The following BRINP3 variants were observed in gnomAD, a reference collection of about 807,000 sequenced individuals.
BRINP3 encodes the protein BMP/retinoic acid inducible neural specific 3.
Under a neutral mutation model 71.0 loss-of-function variants are expected in BRINP3, and 19 were observed. That is an observed-to-expected ratio of 0.27 (90% CI 0.19 to 0.39). BRINP3 has a LOEUF of 0.39. Ranked by LOEUF, BRINP3 falls within the 10% of genes least tolerant of loss-of-function variation. BRINP3 has a pLI of 1.00. For synonymous variants in BRINP3, 380 were observed against 337.7 expected (o/e 1.13, Z -1.37); for missense variants, 959 against 940.8 (o/e 1.02, Z -0.25).
chr1:190,282,499 A>G (rs1663116649), intron 2 of BRINP3, among the ~76,000 whole-genome samples: 1 of 152,162 alleles, frequency 6.6e-6, no homozygotes, highest in East Asian at 1.9e-4. Flanking sequence ...AAGTGGTCCA[A>G]TAAAATTCTC....
chr1:190,156,823 A>C (rs1041681891), intron 7 of BRINP3, among the ~76,000 whole-genome samples: 1 of 152,096 alleles, frequency 6.6e-6, no homozygotes, highest in South Asian at 2.1e-4. Flanking sequence ...ATTCTAATGC[A>C]AATATTACAC....
intron 2 of BRINP3, among the ~76,000 whole-genome samples, chr1:190,437,937 T>C (rs1045163327): frequency 1.2e-4 from 18 of 151,620 alleles, no homozygotes; most frequent in African/African-American, 2.4e-5. Context: ...ATAATTTATA[T>C]AGTATAATTA....
chr1:190,162,178 GT>G (rs1319163574), intron 6 of BRINP3, among the ~76,000 whole-genome samples: 2 of 150,860 alleles, frequency 1.3e-5, no homozygotes, highest in African/African-American at 4.9e-5. Context: ...AGTAAGCAGA[GT>G]TTAAATAATA....
At chr1:190,339,092 A>T (rs1270045598) in intron 2 of BRINP3, among the ~76,000 whole-genome samples, 1 of 152,000 alleles carries the variant, frequency 6.6e-6, no homozygotes, top group Admixed American at 6.6e-5. Flanking sequence ...GAAACTAGGC[A>T]GCACACACAT....
At chr1:190,207,287 GT>G (rs1186862384) in intron 6 of BRINP3, among the ~76,000 whole-genome samples, 1 of 152,058 alleles carries the variant, frequency 6.6e-6, no homozygotes, top group African/African-American at 2.4e-5. Context: ...GTTATTCTCT[GT>G]GTTAACTTGC....
chr1:190,350,003 G>C (rs996233150), intron 2 of BRINP3, among the ~76,000 whole-genome samples: 2 of 151,966 alleles, frequency 1.3e-5, no homozygotes, highest in Non-Finnish European at 2.9e-5. Context: ...TAGTCTTTTA[G>C]GAATAAAAGG....
chr1:190,463,669 A>C (rs1676545827), intron 1 of BRINP3, among the ~76,000 whole-genome samples: 1 of 151,880 alleles, frequency 6.6e-6, no homozygotes, highest in African/African-American at 2.4e-5. Flanking sequence ...AGATTAGTAA[A>C]AGAATGAGAG....
intron 7 of BRINP3, among the ~76,000 whole-genome samples, chr1:190,141,585 A>G (rs148072228): frequency 0.015 from 1,546 of 101,166 alleles, 22 homozygotes; most frequent in African/African-American, 0.054. Context: ...TTTTTGAGAC[A>G]GAGTCTTGCT....
intron 2 of BRINP3, among the ~76,000 whole-genome samples, chr1:190,436,915 T>C (rs147197050): frequency 6.6e-6 from 1 of 151,928 alleles, no homozygotes; most frequent in East Asian, 1.9e-4. Flanking sequence ...AGATACTATA[T>C]TTACTCTCAA....
chr1:190,262,091 T>C (rs1307003126), intron 4 of BRINP3, among the ~76,000 whole-genome samples: 4 of 152,148 alleles, frequency 2.6e-5, no homozygotes, highest in Non-Finnish European at 4.4e-5. Context: ...ATACTCTCCA[T>C]ACAAAATTGC....
intron 7 of BRINP3, among the ~76,000 whole-genome samples, chr1:190,116,066 T>C (rs1315456382): frequency 6.6e-6 from 1 of 152,098 alleles, no homozygotes; most frequent in Non-Finnish European, 1.5e-5. Context: ...CTGTGTAGTG[T>C]AAAATCAGAG....
intron 6 of BRINP3, among the ~76,000 whole-genome samples, chr1:190,220,764 A>G (rs896240150): frequency 1.3e-5 from 2 of 152,128 alleles, no homozygotes; most frequent in African/African-American, 4.8e-5. Context: ...CTCATCTTAC[A>G]AGAAATGATA....
intron 2 of BRINP3, among the ~76,000 whole-genome samples, chr1:190,361,593 G>A (rs1669151225): frequency 6.6e-6 from 1 of 151,910 alleles, no homozygotes; most frequent in Non-Finnish European, 1.5e-5. Context: ...GGTGGAGACA[G>A]GGTTTTCACC....
At chr1:190,403,109 G>A (rs920080398) in intron 2 of BRINP3, among the ~76,000 whole-genome samples, 7 of 152,076 alleles carry the variant, frequency 4.6e-5, no homozygotes, top group African/African-American at 1.7e-4. Context: ...TTAAATGATT[G>A]GATACTTTTC....
At chr1:190,420,144 C>T (rs1673277994) in intron 2 of BRINP3, among the ~76,000 whole-genome samples, 1 of 151,934 alleles carries the variant, frequency 6.6e-6, no homozygotes, top group Non-Finnish European at 1.5e-5. Context: ...TGTCTTGAAG[C>T]AAGGATGGAC....
intron 6 of BRINP3, among the ~76,000 whole-genome samples, chr1:190,175,396 A>G (rs1652415712): frequency 6.6e-6 from 1 of 152,190 alleles, no homozygotes; most frequent in Non-Finnish European, 1.5e-5. Flanking sequence ...CTGGGGCACA[A>G]TAAAAAGAAC....
chr1:190,235,822 T>C (rs1658461969), intron 4 of BRINP3, among the ~76,000 whole-genome samples: 1 of 152,046 alleles, frequency 6.6e-6, no homozygotes, highest in South Asian at 2.1e-4. Context: ...CTTTCTTACA[T>C]TGTTCTACCT....
At chr1:190,158,970 T>C (rs572267452) in intron 7 of BRINP3, among the ~76,000 whole-genome samples, 1 of 152,012 alleles carries the variant, frequency 6.6e-6, no homozygotes, top group African/African-American at 2.4e-5. Context: ...ATACAACTGA[T>C]AGGGAACTTG....
intron 6 of BRINP3, among the ~76,000 whole-genome samples, chr1:190,183,331 A>T (rs1653197718): frequency 1.3e-5 from 2 of 152,100 alleles, no homozygotes; most frequent in Non-Finnish European, 2.9e-5. Flanking sequence ...AAGTTTAAAA[A>T]AATTAAATTT....
Sources: allele counts gnomAD v4.1 joint callset (sites outside exome capture counted in the v4.1 genomes callset), GRCh38; gene constraint gnomAD v4.1.1; transcripts MANE v1.5; gene names NCBI Gene and HGNC (gene_info 2026-07-23, HGNC 2026-07-21).